The following CPEB1 variants were observed in gnomAD, a reference collection of about 807,000 sequenced individuals.
CPEB1 encodes cytoplasmic polyadenylation element binding protein 1.
In CPEB1, 7 loss-of-function variants were observed where a neutral mutation model predicts 65.8. The observed-to-expected ratio is 0.11, with a 90% CI of 0.06 to 0.20. CPEB1 has a LOEUF of 0.20. Among genes scored for constraint, CPEB1 ranks in the 10% least tolerant of loss-of-function variants. The probability of loss-of-function intolerance (pLI) is 1.00; values close to 1 mark genes in which losing one functional copy is unlikely to be tolerated. For missense variants in CPEB1, 551 were observed against 712.2 expected (o/e 0.77, Z 2.58); for synonymous variants, 262 against 260.0 (o/e 1.01, Z -0.08).
chr15:82,626,738 T>G (rs866874793), intron 3 of CPEB1, among the ~76,000 whole-genome samples: 1 of 152,198 alleles, frequency 6.6e-6, no homozygotes, highest in Admixed American at 6.5e-5. Context: ...CATGTTGAGA[T>G]ATGCTTGTAA....
At chr15:82,645,793 G>A (rs1357504858) in intron 1 of CPEB1, among the ~76,000 whole-genome samples, 3 of 152,016 alleles carry the variant, frequency 2.0e-5, no homozygotes, top group African/African-American at 7.2e-5. Context: ...GCTTGAACCC[G>A]GGAGGCGGAG....
rs2040930800 is a variant in CPEB1, at chr15:82,578,801, A to C, written c.272-7269T>G. On this transcript the variant is annotated intron_variant, in intron 3 of 12. Transcript: ENST00000684509. ...AAAAACCCCAAGTCATTCCAGCAAT[A>C]AGTCAGTCATACAAAATTACATGTT... is the stretch of plus-strand genomic sequence containing the variant. Among the ~76,000 whole-genome samples, 3 of 152,124 alleles carry C rather than the reference A, an allele frequency of 2.0e-5. No individual in the cohort carries two copies. In the South Asian group the frequency reaches 6.2e-4, roughly 32 times the overall value.
chr15:82,546,837 C>T (rs1413306601), intron 11 of CPEB1, among the ~76,000 whole-genome samples: 8 of 152,096 alleles, frequency 5.3e-5, no homozygotes, highest in South Asian at 2.1e-4. Flanking sequence ...GGCAAGTGTT[C>T]GGAGGATTCC....
chr15:82,557,554 T>A (rs2037439625), intron 5 of CPEB1: 2 of 536,350 alleles, frequency 3.7e-6, no homozygotes, highest in African/African-American at 1.9e-5. Context: ...TGCAATGTAT[T>A]GCTCAATGGG....
At chr15:82,634,702 T>C (rs547626546) in intron 1 of CPEB1, among the ~76,000 whole-genome samples, 1 of 152,072 alleles carries the variant, frequency 6.6e-6, no homozygotes, top group Non-Finnish European at 1.5e-5. Context: ...AAAATTTTTC[T>C]GAAGTATTTT....
chr15:82,563,619 G>A lies in CPEB1; in HGVS notation c.461-5633C>T, dbSNP rs77790174. Among the ~76,000 whole-genome samples the A allele has an allele frequency of 8.9e-3, 1,346 of 151,656 alleles. 19 individuals are homozygous for A. Among genetic ancestry groups the A allele is most frequent in the African/African-American group, 0.03 (1,230 of 41,318 alleles). ...AGCCTCCCAAAGTACTCAGGTCACA[G>A]GTGTGAGCCTCCGTGCCTGGGCCAA... On this transcript the variant is annotated intron_variant, in intron 4 of 12. Transcript: ENST00000684509.
chr15:82,556,929 T>C (rs771190580), intron 5 of CPEB1, among the ~76,000 whole-genome samples: 1 of 152,218 alleles, frequency 6.6e-6, no homozygotes, highest in Non-Finnish European at 1.5e-5. Flanking sequence ...GTCCTGGGTA[T>C]GGGGAAGAGA....
At chr15:82,602,714 C>T (rs945970470) in intron 3 of CPEB1, among the ~76,000 whole-genome samples, 10 of 152,062 alleles carry the variant, frequency 6.6e-5, no homozygotes, top group Non-Finnish European at 1.3e-4. Flanking sequence ...GGCATGGTGG[C>T]AAGTGCCTGT....
At chr15:82,584,025 C>T (rs1424556953) in intron 3 of CPEB1, among the ~76,000 whole-genome samples, 3 of 148,498 alleles carry the variant, frequency 2.0e-5, no homozygotes, top group Admixed American at 1.3e-4. Flanking sequence ...TTTGGGAGGT[C>T]GAGGCAGGTG....
chr15:82,618,959 C>T (rs1031593602), intron 3 of CPEB1, among the ~76,000 whole-genome samples: 1 of 152,172 alleles, frequency 6.6e-6, no homozygotes, highest in Non-Finnish European at 1.5e-5. Context: ...GGAGCTTGGA[C>T]TGATGAGCTG....
chr15:82,580,824 C>T (rs1230483046), intron 3 of CPEB1, among the ~76,000 whole-genome samples: 2 of 151,424 alleles, frequency 1.3e-5, no homozygotes, highest in South Asian at 2.1e-4. Flanking sequence ...CAAGGTTCCT[C>T]CATGTTGCAG....
chr15:82,592,955 C>T (rs1157824685), intron 3 of CPEB1, among the ~76,000 whole-genome samples: 1 of 152,134 alleles, frequency 6.6e-6, no homozygotes, highest in Non-Finnish European at 1.5e-5. Context: ...CAAGATTGCG[C>T]TGCTACACTC....
chr15:82,585,049 C>G (rs190568489), intron 3 of CPEB1, among the ~76,000 whole-genome samples: 3 of 151,732 alleles, frequency 2.0e-5, no homozygotes, highest in African/African-American at 7.3e-5. Flanking sequence ...AATTTGACAT[C>G]AGGAGTTCAA....
At position 82,544,631 on chromosome 15, in the gene CPEB1, G is replaced by A; in HGVS notation, c.1728C>T (p.Ser576=). 9.9e-6 allele frequency: 16 copies of A among 1,613,322 alleles called. No individual in the cohort carries two copies. Among genetic ancestry groups the A allele is most frequent in the Non-Finnish European group, 1.4e-5 (16 of 1,179,858 alleles). The change falls in exon 13 of 13, where the codon AGC becomes AGT. Residue 576 remains serine (S), a synonymous_variant. Transcript: ENST00000684509. The stretch of plus-strand genomic sequence containing the variant: ...GGTTCTTCTGGTTCCGCATCAGGGG[G>A]CTGTGGTGGCGCAGGCCCTCCATGC... ...RHSMEGLRHH[S]PLMRNQKNRD...
intron 1 of CPEB1, among the ~76,000 whole-genome samples, chr15:82,632,697 T>G (rs1196707254): frequency 1.4e-5 from 2 of 147,222 alleles, no homozygotes. Context: ...TTTTTTAACT[T>G]TTTTTTTTCC....
At chr15:82,629,169 G>T in intron 1 of CPEB1, 1 of 642,314 alleles carries the variant, frequency 1.6e-6, no homozygotes, top group Non-Finnish European at 1.9e-6. Context: ...TGATATCACA[G>T]TTACTTAACC....
In CPEB1 at chr15:82,571,366, T is replaced by C; in HGVS notation, c.438A>G (p.Ser146=). 6.2e-7 allele frequency: 1 copy of C among 1,614,086 alleles called. No individual in the cohort carries two copies. The highest frequency in any genetic ancestry group is 8.5e-7 in the Non-Finnish European group (1 of 1,179,974). ...CACCCGAGTGTGTGCTGCTCTGGGCTGAGGAATCTGAGTCCTGGGTGCTCC... is the reference window on the plus strand; with the variant it reads ...CACCCGAGTGTGTGCTGCTCTGGGCCGAGGAATCTGAGTCCTGGGTGCTCC... ...RPWSTQDSDS[S]AQSSTHSVLS... The change falls in exon 4 of 13, where the codon TCA becomes TCG. Residue 146 remains serine (S), a synonymous_variant. Coordinates refer to ENST00000684509, the MANE Select transcript of CPEB1 (RefSeq NM_001365242.1).
intron 1 of CPEB1, 66 bp from the exon 2 acceptor site, chr15:82,628,622 A>G (rs1460100160): frequency 1.7e-6 from 1 of 595,072 alleles, no homozygotes; most frequent in Non-Finnish European, 3.0e-6. Flanking sequence ...TGAAAAAGCA[A>G]AAAGTCAGAC....
intron 3 of CPEB1, among the ~76,000 whole-genome samples, chr15:82,608,361 T>C (rs2043823141): frequency 6.6e-6 from 1 of 152,080 alleles, no homozygotes; most frequent in South Asian, 2.1e-4. Context: ...ACCACATAAG[T>C]GGGGCCTTGT....
Sources: gnomAD v4.1 joint callset for allele counts (sites outside exome capture counted in the v4.1 genomes callset) on GRCh38, gnomAD v4.1.1 for gene constraint, MANE v1.5 for transcripts, NCBI Gene and HGNC (gene_info 2026-07-23, HGNC 2026-07-21) for gene names.